SIPA1L2: variants seen among roughly 807,000 people sequenced by gnomAD.
SIPA1L2 encodes signal induced proliferation associated 1 like 2.
In SIPA1L2, 56 loss-of-function variants were observed where a neutral mutation model predicts 163.9. That is an observed-to-expected ratio of 0.34 (90% CI 0.28 to 0.43). SIPA1L2 has a LOEUF of 0.43. SIPA1L2 is among the 20% of genes least tolerant of loss of function. SIPA1L2 has a pLI of 1.00. For missense variants in SIPA1L2, 1,974 were observed against 2,193.5 expected (o/e 0.90, Z 2.00); for synonymous variants, 877 against 865.7 (o/e 1.01, Z -0.23).
In SIPA1L2 at chr1:232,432,392, C is replaced by T. The variant is rs367638550; in HGVS notation, c.4111G>A (p.Val1371Met). 34 of 1,614,064 alleles carry T rather than the reference C, an allele frequency of 2.1e-5. No individual in the cohort carries two copies. Among genetic ancestry groups the T allele is most frequent in the Non-Finnish European group, 2.7e-5 (32 of 1,180,044 alleles). Residue 1371 changes from valine (V) to methionine (M), a missense_variant, in exon 16 of 23, where the codon GTG (valine) becomes ATG (methionine). Coordinates refer to ENST00000674635, the MANE Select transcript of SIPA1L2 (RefSeq NM_020808.5). ...GSLDSSKVYI[V>M]SHSSGQQVPG... is the part of the protein sequence containing the mutation. ...ACCTGTTGTCCGCTGCTGTGAGACA[C>T]GATGTAGACTTTGGATGAATCCAGA... is the stretch of plus-strand genomic sequence containing the variant.
intron 1 of SIPA1L2, among the ~76,000 whole-genome samples, chr1:232,582,380 A>T (rs1402746415): frequency 6.6e-6 from 1 of 151,954 alleles, no homozygotes; most frequent in African/African-American, 2.4e-5. Flanking sequence ...CAATATTTAG[A>T]TCCCACTTAT....
At chr1:232,557,356 T>C (rs1045707605) in intron 2 of SIPA1L2, among the ~76,000 whole-genome samples, 4 of 152,316 alleles carry the variant, frequency 2.6e-5, no homozygotes, top group South Asian at 2.1e-4. Context: ...CGCTTTTCAA[T>C]AGTGGAAGCC....
intron 2 of SIPA1L2, among the ~76,000 whole-genome samples, chr1:232,542,612 C>A (rs550385164): frequency 6.6e-6 from 1 of 152,118 alleles, no homozygotes; most frequent in Non-Finnish European, 1.5e-5. Flanking sequence ...CAAACCTGAC[C>A]CCAAACAACT....
intron 15 of SIPA1L2, among the ~76,000 whole-genome samples, chr1:232,432,760 C>G (rs1370117241): frequency 6.6e-6 from 1 of 152,162 alleles, no homozygotes; most frequent in Admixed American, 6.5e-5. Context: ...ACTGATTCTT[C>G]AAAAGAGAAC....
At chr1:232,606,747 G>GA (rs1393134854) in intron 1 of SIPA1L2, among the ~76,000 whole-genome samples, 11 of 151,444 alleles carry the variant, frequency 7.3e-5, no homozygotes, top group African/African-American at 2.7e-4. Context: ...TTAAATGAAA[G>GA]AAAGTTGTCA....
chr1:232,585,988 C>T (rs145127059), intron 1 of SIPA1L2, among the ~76,000 whole-genome samples: 50 of 152,190 alleles, frequency 3.3e-4, no homozygotes, highest in Middle Eastern at 3.4e-3. Context: ...AAAGAGAAAA[C>T]TATGAAGGAA....
intron 3 of SIPA1L2, among the ~76,000 whole-genome samples, chr1:232,507,289 TA>T (rs1207471985): frequency 6.6e-6 from 1 of 152,108 alleles, no homozygotes; most frequent in Non-Finnish European, 1.5e-5. Context: ...TGTTTTCCCC[TA>T]ATTGTACTGG....
chr1:232,575,157 T>G (rs1158542062), intron 1 of SIPA1L2, among the ~76,000 whole-genome samples: 2 of 152,184 alleles, frequency 1.3e-5, no homozygotes, highest in Non-Finnish European at 2.9e-5. Context: ...CGCAACAATG[T>G]GGAGTATACA....
At chr1:232,473,165 A>G (rs2102950571) in intron 7 of SIPA1L2, among the ~76,000 whole-genome samples, 1 of 152,386 alleles carries the variant, frequency 6.6e-6, no homozygotes, top group African/African-American at 2.4e-5. Flanking sequence ...TTTGGCAAGG[A>G]CATTCTTTAC....
At chr1:232,541,247 TTAACATAACATAACA>T (rs200351522) in intron 2 of SIPA1L2, among the ~76,000 whole-genome samples, 8,503 of 144,650 alleles carry the variant, frequency 0.059, 298 homozygotes, top group Admixed American at 0.13. Context: ...TAACATAACA[TTAACATAACATAACA>T]TAACATAACA....
chr1:232,580,698 A>G (rs1433821982), intron 1 of SIPA1L2, among the ~76,000 whole-genome samples: 2 of 151,886 alleles, frequency 1.3e-5, no homozygotes, highest in Non-Finnish European at 2.9e-5. Context: ...TAGGTGTCAG[A>G]CTCTCAGTTA....
rs764509027 is a variant in SIPA1L2 at position 232,514,060 on chromosome 1, G to C, written c.1280C>G (p.Ser427Cys). The C allele has an allele frequency of 6.2e-7, 1 of 1,614,096 alleles. No homozygotes were observed. The highest frequency in any genetic ancestry group is 8.5e-7 in the Non-Finnish European group (1 of 1,180,044). Residue 427 changes from serine to cysteine, a missense_variant, in exon 3 of 23, where the codon TCT becomes TGT. Physicochemically the swap from Ser to Cys is moderately radical, Grantham distance 112 (BLOSUM62 -1). This residue lies in a region of SIPA1L2 where 607 missense variants were observed against 624.0 expected (regional missense o/e 0.97). Coordinates refer to ENST00000674635, the MANE Select transcript of SIPA1L2 (RefSeq NM_020808.5). ...GGEGDRRIAL[S>C]RANSSSFSSG... ...ACTGAAAGAGGATGAGTTGGCTCGA[G>C]AGAGCGCAATCCGCCTGTCGCCTTC...
intron 3 of SIPA1L2, among the ~76,000 whole-genome samples, chr1:232,499,622 T>C (rs12124432): frequency 0.27 from 40,408 of 152,176 alleles, 5,645 homozygotes; most frequent in Admixed American, 0.39. Context: ...CAAGTGCTGA[T>C]GGAGTGAAGC....
rs746957878 is a variant in SIPA1L2 at position 232,432,264 on chromosome 1, T to C, written c.4239A>G (p.Glu1413=). 2 of 1,613,958 alleles carry C rather than the reference T, an allele frequency of 1.2e-6. No homozygotes were observed. The highest frequency in any genetic ancestry group is 3.4e-4 in the Middle Eastern group (2 of 5,936). Residue 1413 remains glutamate, a synonymous_variant, in exon 16 of 23, where the codon GAA becomes GAG. Coordinates refer to ENST00000674635, the MANE Select transcript of SIPA1L2 (RefSeq NM_020808.5). The part of the protein sequence containing the change: ...SEGSPPPEEP[E]VTECPGMYSE... ...CACCTTACCCGGGACATTCAGTCAC[T>C]TCAGGCTCCTCGGGCGGTGGGCTGC... is the stretch of plus-strand genomic sequence containing the variant.
At chr1:232,598,234 TGTTAAA>T (rs1661387055) in intron 1 of SIPA1L2, among the ~76,000 whole-genome samples, 4 of 131,284 alleles carry the variant, frequency 3.0e-5, no homozygotes, top group Non-Finnish European at 3.2e-5. Flanking sequence ...AAACCCTGTC[TGTTAAA>T]AAAAAAAAAA....
intron 4 of SIPA1L2, among the ~76,000 whole-genome samples, chr1:232,492,911 G>A (rs1181647324): frequency 6.6e-6 from 1 of 152,134 alleles, no homozygotes; most frequent in Non-Finnish European, 1.5e-5. Flanking sequence ...AGGAATAATT[G>A]TTGCAATGTG....
chr1:232,547,653 G>A (rs1658121848), intron 2 of SIPA1L2, among the ~76,000 whole-genome samples: 2 of 152,136 alleles, frequency 1.3e-5, no homozygotes, highest in Admixed American at 6.5e-5. Flanking sequence ...TACCAATCTA[G>A]GGAAGAACAC....
intron 5 of SIPA1L2, among the ~76,000 whole-genome samples, chr1:232,488,522 C>T (rs529875173): frequency 6.6e-6 from 1 of 152,060 alleles, no homozygotes; most frequent in Non-Finnish European, 1.5e-5. Flanking sequence ...GAATCTGATA[C>T]CATTAAGAGT....
intron 12 of SIPA1L2, 130 bp from the exon 13 acceptor site, chr1:232,441,998 T>G (rs1325307250): frequency 2.9e-6 from 2 of 688,668 alleles, no homozygotes. Context: ...TTCTGGCAAA[T>G]GAAAATGCAA....
Sources: allele counts gnomAD v4.1 joint callset (sites outside exome capture counted in the v4.1 genomes callset), GRCh38; gene constraint gnomAD v4.1.1; regional missense constraint gnomAD v4.1.1; transcripts MANE v1.5; gene names NCBI Gene and HGNC (gene_info 2026-07-23, HGNC 2026-07-21).